Variants in CNTN4 observed in about 807,000 individuals in gnomAD.
The protein encoded by CNTN4 is contactin 4.
Under a neutral mutation model 122.5 loss-of-function variants are expected in CNTN4, and 77 were observed. The observed-to-expected ratio is 0.63, with a 90% CI of 0.52 to 0.76. The LOEUF (loss-of-function observed/expected upper bound fraction) is 0.76. Ranked by LOEUF, CNTN4 falls within the 30% of genes least tolerant of loss-of-function variation. CNTN4 has a pLI of 0.00. For synonymous variants in CNTN4, 512 were observed against 447.0 expected, an observed-to-expected ratio of 1.15 and a Z score of -1.83; for missense variants, 1,256 against 1,259.1, an observed-to-expected ratio of 1.00 and a Z score of 0.04.
At chr3:2,950,473 G>C (rs145033538) in intron 13 of CNTN4, among the ~76,000 whole-genome samples, 82 of 152,286 alleles carry the variant, frequency 5.4e-4, no homozygotes, top group Middle Eastern at 3.4e-3. Context: ...GCCTGCCACT[G>C]TCTGTGATGA....
At chr3:2,429,621 A>T (rs1279730419) in intron 3 of CNTN4, among the ~76,000 whole-genome samples, 1 of 152,102 alleles carries the variant, frequency 6.6e-6, no homozygotes, top group Non-Finnish European at 1.5e-5. Flanking sequence ...TCAGACAGGG[A>T]CGTTTAAGTC....
chr3:2,900,009 AT>A, intron 10 of CNTN4, among the ~76,000 whole-genome samples: 1 of 152,202 alleles, frequency 6.6e-6, no homozygotes, highest in East Asian at 1.9e-4. Context: ...TGAAAAGTTT[AT>A]TTCTCTCTCA....
intron 4 of CNTN4, among the ~76,000 whole-genome samples, chr3:2,719,297 A>C (rs1206149731): frequency 1.4e-5 from 2 of 143,094 alleles, no homozygotes; most frequent in Admixed American, 1.4e-4. Flanking sequence ...ACAAGACTTC[A>C]CTTTTTTTTT....
At chr3:2,669,428 A>G (rs1435495712) in intron 4 of CNTN4, among the ~76,000 whole-genome samples, 2 of 152,178 alleles carry the variant, frequency 1.3e-5, no homozygotes, top group African/African-American at 4.8e-5. Flanking sequence ...CTGTGGGATC[A>G]GTGGTGATAT....
chr3:2,865,664 A>G (rs947860155), intron 7 of CNTN4, among the ~76,000 whole-genome samples: 1 of 152,306 alleles, frequency 6.6e-6, no homozygotes, highest in South Asian at 2.1e-4. Flanking sequence ...CTTTGGACAA[A>G]TCTGGAAATT....
chr3:2,637,366 A>C (rs1163074038), intron 4 of CNTN4, among the ~76,000 whole-genome samples: 1 of 152,182 alleles, frequency 6.6e-6, no homozygotes, highest in East Asian at 1.9e-4. Context: ...AGCAAAATGG[A>C]TTCTGATTCC....
At chr3:2,778,163 G>A (rs1253048217) in intron 6 of CNTN4, among the ~76,000 whole-genome samples, 4 of 140,624 alleles carry the variant, frequency 2.8e-5, no homozygotes, top group Admixed American at 6.9e-5. Context: ...GTGGTGAGCC[G>A]AGATCGCGCC....
intron 23 of CNTN4, among the ~76,000 whole-genome samples, chr3:3,049,059 T>G (rs1329760642): frequency 7.9e-5 from 12 of 152,180 alleles, no homozygotes; most frequent in African/African-American, 2.9e-4. Flanking sequence ...CTAAGCACTG[T>G]TCCAATTCAT....
intron 2 of CNTN4, among the ~76,000 whole-genome samples, chr3:2,172,524 AC>A (rs1347356219): frequency 1.3e-5 from 2 of 152,192 alleles, no homozygotes; most frequent in African/African-American, 4.8e-5. Context: ...GTAACCAAAA[AC>A]CACCTGTACC....
intron 2 of CNTN4, among the ~76,000 whole-genome samples, chr3:2,231,501 C>T (rs374001968): frequency 2.6e-5 from 4 of 152,166 alleles, no homozygotes; most frequent in African/African-American, 7.2e-5. Flanking sequence ...AGCTTCTATT[C>T]TCAAGAGTTC....
intron 4 of CNTN4, among the ~76,000 whole-genome samples, chr3:2,696,410 G>A (rs2149227586): frequency 6.6e-6 from 1 of 152,270 alleles, no homozygotes; most frequent in African/African-American, 2.4e-5. Context: ...ATGAATTAAT[G>A]CACTTATAAA....
intron 2 of CNTN4, among the ~76,000 whole-genome samples, chr3:2,125,974 T>G (rs1204184067): frequency 1.3e-5 from 2 of 151,796 alleles, no homozygotes; most frequent in African/African-American, 4.8e-5. Context: ...CCTGTCATAT[T>G]TAGGATATAC....
intron 13 of CNTN4, among the ~76,000 whole-genome samples, chr3:2,981,238 A>G (rs1693948029): frequency 6.6e-6 from 1 of 152,074 alleles, no homozygotes; most frequent in South Asian, 2.1e-4. Flanking sequence ...AGGTCAGGAG[A>G]TCGAGACCAT....
chr3:2,955,021 A>T (rs1447276410), intron 13 of CNTN4, among the ~76,000 whole-genome samples: 1 of 152,162 alleles, frequency 6.6e-6, no homozygotes, highest in African/African-American at 2.4e-5. Context: ...GGTGGATAAT[A>T]GCAGCCAGGT....
chr3:2,194,957 A>G (rs1420539928), intron 2 of CNTN4, among the ~76,000 whole-genome samples: 7 of 152,136 alleles, frequency 4.6e-5, no homozygotes, highest in Non-Finnish European at 7.4e-5. Context: ...GCAGTCCTGG[A>G]AACTATATAT....
chr3:2,599,980 CA>C (rs2080951355), intron 4 of CNTN4, among the ~76,000 whole-genome samples: 1 of 125,408 alleles, frequency 8.0e-6, no homozygotes. Context: ...GATTCTACCC[CA>C]ACTCTATTTT....
intron 3 of CNTN4, among the ~76,000 whole-genome samples, chr3:2,381,313 G>GT (rs1424078014): frequency 2.6e-5 from 4 of 151,908 alleles, no homozygotes; most frequent in Admixed American, 6.6e-5. Context: ...GCCTTGTTTT[G>GT]TTTTTTCTAG....
chr3:2,914,856 C>A (rs906817038), intron 12 of CNTN4, among the ~76,000 whole-genome samples: 1 of 152,004 alleles, frequency 6.6e-6, no homozygotes, highest in African/African-American at 2.4e-5. Flanking sequence ...CCCTGATGAA[C>A]ATTGATCTAG....
chr3:2,803,350 A>C (rs1040544863), intron 6 of CNTN4, among the ~76,000 whole-genome samples: 3 of 152,228 alleles, frequency 2.0e-5, no homozygotes, highest in Admixed American at 2.0e-4. Context: ...TTTAGAAAAC[A>C]GATTGTGTAA....
Sources: allele counts gnomAD v4.1 joint callset (sites outside exome capture counted in the v4.1 genomes callset), GRCh38; gene constraint gnomAD v4.1.1; transcripts MANE v1.5; gene names NCBI Gene and HGNC (gene_info 2026-07-23, HGNC 2026-07-21).